Variants in AGBL4 observed in about 807,000 individuals in gnomAD.
The protein encoded by AGBL4 is AGBL carboxypeptidase 4.
A neutral mutation model predicts 66.4 loss-of-function variants in AGBL4; 58 were observed. The ratio of observed to expected loss-of-function variants is 0.87; its 90% CI spans 0.71 to 1.09. The LOEUF (loss-of-function observed/expected upper bound fraction) is 1.09, where lower values mean the gene tolerates loss of function less well. Among genes scored for constraint, AGBL4 ranks in the 50% least tolerant of loss-of-function variants. AGBL4 has a pLI of 0.00. For missense variants in AGBL4, 579 were observed against 631.0 expected (o/e 0.92, Z 0.88); for synonymous variants, 234 against 222.9 (o/e 1.05, Z -0.44).
At chr1:49,842,068 C>G in intron 2 of AGBL4, 1 of 361,880 alleles carries the variant, frequency 2.8e-6, no homozygotes, top group South Asian at 2.8e-5. Context: ...TCTACTCATG[C>G]CTGCCCTCTA....
Position 49,550,591 on chromosome 1 carries a change from C to T in AGBL4, c.282+146722G>A, listed in dbSNP as rs575297961. Among the ~76,000 whole-genome samples the T allele has an allele frequency of 5.3e-5, 8 of 152,206 alleles. No individual in the cohort carries two copies. In the South Asian group the frequency reaches 1.7e-3, roughly 32 times the overall value. On this transcript the variant is annotated intron_variant, in intron 3 of 13. Coordinates refer to ENST00000371839, the MANE Select transcript of AGBL4 (RefSeq NM_032785.4). Reference sequence around the variant, plus strand: ...GTTTTGCTGGATACAAAATTCTTGGCTAATAATTGTTTTATTTGAGGAGGC... The same window carrying T: ...GTTTTGCTGGATACAAAATTCTTGGTTAATAATTGTTTTATTTGAGGAGGC...
In AGBL4 at chr1:49,420,696, G is replaced by A. The variant is rs370202262; in HGVS notation, c.283-174832C>T. 6.6e-5 allele frequency among the ~76,000 whole-genome samples: 7 copies of A among 105,348 alleles called. No homozygotes were observed. In the East Asian group the frequency reaches 1.1e-3, roughly 16 times the overall value. The allele number at this position is 105,348 out of a possible 152,430, so 69.1% of individuals were successfully genotyped here. ...AGCCTGGGTGACTGAGCGAGACTCC[G>A]TCTCAAAAAAAAAAAAAAAAGTGCT... On this transcript the variant is annotated intron_variant, in intron 3 of 13. Coordinates refer to ENST00000371839, the MANE Select transcript of AGBL4 (RefSeq NM_032785.4).
intron 4 of AGBL4, among the ~76,000 whole-genome samples, chr1:49,063,003 T>G (rs1401416192): frequency 6.6e-6 from 1 of 152,032 alleles, no homozygotes; most frequent in African/African-American, 2.4e-5. Context: ...TTAGGGTTAT[T>G]ATGTTAATTA....
chr1:48,779,014 A>C (rs1570653350), intron 6 of AGBL4, among the ~76,000 whole-genome samples: 1 of 152,188 alleles, frequency 6.6e-6, no homozygotes, highest in African/African-American at 2.4e-5. Flanking sequence ...CAGCACATTT[A>C]CTGTCATGAT....
At chr1:49,704,201 T>C (rs1212334732) in intron 2 of AGBL4, among the ~76,000 whole-genome samples, 2 of 152,074 alleles carry the variant, frequency 1.3e-5, no homozygotes, top group African/African-American at 2.4e-5. Flanking sequence ...AAAAATGTAA[T>C]ATAATATCAT....
At chr1:49,789,200 C>T (rs574851988) in intron 2 of AGBL4, among the ~76,000 whole-genome samples, 1 of 152,256 alleles carries the variant, frequency 6.6e-6, no homozygotes, top group Admixed American at 6.5e-5. Flanking sequence ...CTGACTTGAT[C>T]GTGCTGGATA....
chr1:49,931,251 GACTT>G (rs1230096824), intron 1 of AGBL4, among the ~76,000 whole-genome samples: 4 of 152,002 alleles, frequency 2.6e-5, no homozygotes, highest in African/African-American at 7.2e-5. Context: ...AAAAAATAAA[GACTT>G]AAATAAATGA....
chr1:48,843,335 T>C (rs1455340719), intron 6 of AGBL4, among the ~76,000 whole-genome samples: 1 of 152,176 alleles, frequency 6.6e-6, no homozygotes. Context: ...TGCCTAGAGC[T>C]TATATAAATT....
intron 6 of AGBL4, among the ~76,000 whole-genome samples, chr1:48,709,151 C>A (rs1209235812): frequency 1.3e-5 from 2 of 152,212 alleles, no homozygotes; most frequent in Non-Finnish European, 2.9e-5. Context: ...ATCAGTGACT[C>A]TCTGGAGTGC....
chr1:49,463,586 C>T (rs1646562164), intron 3 of AGBL4, among the ~76,000 whole-genome samples: 1 of 151,686 alleles, frequency 6.6e-6, no homozygotes, highest in African/African-American at 2.4e-5. Flanking sequence ...CTGAGGCTTT[C>T]TCTCATACAC....
intron 4 of AGBL4, among the ~76,000 whole-genome samples, chr1:49,223,059 C>T (rs1433722446): frequency 1.3e-5 from 2 of 152,074 alleles, no homozygotes; most frequent in Non-Finnish European, 2.9e-5. Flanking sequence ...CATTTGGCTG[C>T]TATTGATCAT....
At chr1:48,572,933 CTG>C (rs1164873377) in intron 11 of AGBL4, among the ~76,000 whole-genome samples, 2 of 152,222 alleles carry the variant, frequency 1.3e-5, no homozygotes, top group Non-Finnish European at 2.9e-5. Flanking sequence ...AGAGTCCAGA[CTG>C]TTGCTCAGTT....
chr1:48,634,096 T>A (rs1328621852), intron 9 of AGBL4: 2 of 155,190 alleles, frequency 1.3e-5, no homozygotes. Flanking sequence ...GCAGTCAAGT[T>A]CCCTATGTGT....
At chr1:49,977,702 T>C (rs1165524674) in intron 1 of AGBL4, among the ~76,000 whole-genome samples, 1 of 152,234 alleles carries the variant, frequency 6.6e-6, no homozygotes, top group Non-Finnish European at 1.5e-5. Context: ...ATTTATTTTA[T>C]TTCTATTGTT....
At chr1:49,887,791 C>A (rs1386621964) in intron 1 of AGBL4, among the ~76,000 whole-genome samples, 1 of 152,060 alleles carries the variant, frequency 6.6e-6, no homozygotes, top group African/African-American at 2.4e-5. Context: ...GCGTACCGAA[C>A]AATTAGTTGT....
intron 3 of AGBL4, among the ~76,000 whole-genome samples, chr1:49,388,974 T>A (rs771640498): frequency 2.4e-4 from 37 of 152,170 alleles, no homozygotes; most frequent in Non-Finnish European, 4.1e-4. Flanking sequence ...GAATAAATCA[T>A]GTCTCATTTA....
At chr1:48,626,367 T>C (rs11205517) in intron 9 of AGBL4, among the ~76,000 whole-genome samples, 23,595 of 152,246 alleles carry the variant, frequency 0.15, 3,429 homozygotes, top group African/African-American at 0.38. Context: ...AATTGTTCTT[T>C]TCTTTTAGCA....
intron 5 of AGBL4, among the ~76,000 whole-genome samples, chr1:48,893,387 A>G (rs189944956): frequency 6.6e-5 from 10 of 152,190 alleles, no homozygotes; most frequent in African/African-American, 2.4e-4. Flanking sequence ...GTGCCCTTAT[A>G]AAAAAGACTC....
intron 1 of AGBL4, among the ~76,000 whole-genome samples, chr1:49,937,556 C>A (rs1654215583): frequency 1.3e-5 from 2 of 152,092 alleles, no homozygotes; most frequent in African/African-American, 2.4e-5. Flanking sequence ...AGCACCACAC[C>A]ACACCTATTC....
Sources: gnomAD v4.1 joint callset for allele counts (sites outside exome capture counted in the v4.1 genomes callset) on GRCh38, gnomAD v4.1.1 for gene constraint, MANE v1.5 for transcripts, NCBI Gene and HGNC (gene_info 2026-07-23, HGNC 2026-07-21) for gene names.